Variants in LPP observed in about 807,000 individuals in gnomAD.
The protein encoded by LPP is lipoma-preferred partner.
LPP carries 38 observed loss-of-function variants against 60.4 expected under a neutral mutation model. The observed-to-expected ratio is 0.63, with a 90% CI of 0.49 to 0.83. LPP has a LOEUF of 0.83. Among genes scored for constraint, LPP ranks in the 40% least tolerant of loss-of-function variants. The probability of loss-of-function intolerance (pLI) is 0.00; values close to 1 mark genes in which losing one functional copy is unlikely to be tolerated. For synonymous variants in LPP, 328 were observed against 290.8 expected (o/e 1.13, Z -1.30); for missense variants, 902 against 783.6 (o/e 1.15, Z -1.80).
intron 1 of LPP, among the ~76,000 whole-genome samples, chr3:188,168,161 G>A (rs1720567377): frequency 1.3e-5 from 2 of 152,172 alleles, no homozygotes; most frequent in Non-Finnish European, 2.9e-5. Context: ...TCCGTGCCAG[G>A]CACGTGCTGC....
chr3:188,191,920 A>C (rs1258204265), intron 1 of LPP, among the ~76,000 whole-genome samples: 1 of 152,204 alleles, frequency 6.6e-6, no homozygotes, highest in Non-Finnish European at 1.5e-5. Context: ...AAATAACTCT[A>C]GGTCTGCCAG....
At chr3:188,626,401 T>A (rs1217713339) in intron 7 of LPP, among the ~76,000 whole-genome samples, 1 of 152,150 alleles carries the variant, frequency 6.6e-6, no homozygotes, top group African/African-American at 2.4e-5. Flanking sequence ...TATAAGGGAT[T>A]TGAGCATCCA....
intron 8 of LPP, among the ~76,000 whole-genome samples, chr3:188,750,172 A>G (rs1727618513): frequency 6.6e-6 from 1 of 152,214 alleles, no homozygotes. Context: ...GCTTTATCCC[A>G]TTCATGACAG....
intron 2 of LPP, among the ~76,000 whole-genome samples, chr3:188,288,755 A>T (rs952838049): frequency 6.6e-6 from 1 of 151,822 alleles, no homozygotes; most frequent in Non-Finnish European, 1.5e-5. Context: ...CTTCTGCCAC[A>T]TGAACTTCTC....
chr3:188,615,971 A>G (rs1475427656), intron 7 of LPP, among the ~76,000 whole-genome samples: 3 of 152,092 alleles, frequency 2.0e-5, no homozygotes, highest in African/African-American at 7.2e-5. Flanking sequence ...AGTTCCTTGT[A>G]TATTCTCGAT....
At chr3:188,539,159 T>G (rs913460391) in intron 6 of LPP, among the ~76,000 whole-genome samples, 1 of 152,240 alleles carries the variant, frequency 6.6e-6, no homozygotes, top group Non-Finnish European at 1.5e-5. Flanking sequence ...TTATGGTATG[T>G]GAATCATGTC....
intron 4 of LPP, among the ~76,000 whole-genome samples, chr3:188,464,029 G>A (rs545457738): frequency 2.0e-5 from 3 of 152,306 alleles, no homozygotes; most frequent in Admixed American, 6.5e-5. Flanking sequence ...TGGATTTGGA[G>A]TTTTGAAAGA....
chr3:188,204,363 G>C (rs1732555768), intron 1 of LPP, among the ~76,000 whole-genome samples: 1 of 152,072 alleles, frequency 6.6e-6, no homozygotes, highest in East Asian at 1.9e-4. Context: ...GAGTCAACTG[G>C]GAAAATCTCA....
chr3:188,576,433 C>A (rs1834638312), intron 6 of LPP, among the ~76,000 whole-genome samples: 1 of 152,088 alleles, frequency 6.6e-6, no homozygotes, highest in Non-Finnish European at 1.5e-5. Context: ...TTACCTAGTA[C>A]CTCTATGATT....
chr3:188,770,168 CTTTTTTTTTTTTTT>C (rs57278260), intron 9 of LPP, among the ~76,000 whole-genome samples: 1 of 64,598 alleles, frequency 1.5e-5, no homozygotes, highest in Non-Finnish European at 3.0e-5. Flanking sequence ...AGTTATAATT[CTTTTTTTTTTTTTT>C]TTTTTTTTTT....
chr3:188,619,655 A>G (rs979080349), intron 7 of LPP, among the ~76,000 whole-genome samples: 1 of 152,218 alleles, frequency 6.6e-6, no homozygotes, highest in Non-Finnish European at 1.5e-5. Flanking sequence ...TGGCCTACAG[A>G]TATTAAAACA....
chr3:188,699,905 A>C (rs1864039296), intron 7 of LPP, among the ~76,000 whole-genome samples: 1 of 152,228 alleles, frequency 6.6e-6, no homozygotes, highest in South Asian at 2.1e-4. Context: ...CAGCCACAGG[A>C]AATTGCAAAC....
At chr3:188,726,378 A>C (rs1051099566) in intron 8 of LPP, among the ~76,000 whole-genome samples, 1 of 152,174 alleles carries the variant, frequency 6.6e-6, no homozygotes, top group African/African-American at 2.4e-5. Context: ...GGAGTTCAGT[A>C]ATGGTGATGC....
At chr3:188,246,648 C>A (rs1479961123) in intron 2 of LPP, among the ~76,000 whole-genome samples, 1 of 152,134 alleles carries the variant, frequency 6.6e-6, no homozygotes, top group South Asian at 2.1e-4. Context: ...GTGAGTCCCC[C>A]ACAGGGCAGG....
At chr3:188,496,301 T>A (rs2149811685) in intron 5 of LPP, among the ~76,000 whole-genome samples, 1 of 151,580 alleles carries the variant, frequency 6.6e-6, no homozygotes, top group South Asian at 2.1e-4. Context: ...AATTTTTGTA[T>A]TTTTTTTAGT....
At chr3:188,620,315 C>T (rs2151542839) in intron 7 of LPP, among the ~76,000 whole-genome samples, 1 of 152,186 alleles carries the variant, frequency 6.6e-6, no homozygotes, top group Middle Eastern at 3.4e-3. Flanking sequence ...TACCAATGAG[C>T]AGTGACTTTT....
chr3:188,486,451 CAG>C (rs976796756), intron 5 of LPP, among the ~76,000 whole-genome samples: 1 of 151,868 alleles, frequency 6.6e-6, no homozygotes, highest in East Asian at 1.9e-4. Flanking sequence ...AGTGGGGAAA[CAG>C]GGAGGGGGTC....
intron 9 of LPP, among the ~76,000 whole-genome samples, chr3:188,864,044 C>G (rs1438098018): frequency 6.6e-6 from 1 of 151,880 alleles, no homozygotes; most frequent in Non-Finnish European, 1.5e-5. Context: ...CTCACATTGT[C>G]AGGGTAGAAA....
intron 1 of LPP, among the ~76,000 whole-genome samples, chr3:188,201,152 G>A (rs946722374): frequency 2.6e-5 from 4 of 152,308 alleles, no homozygotes; most frequent in Admixed American, 2.0e-4. Flanking sequence ...CTATGGACCT[G>A]TCCCTGAGCT....
Sources: allele counts gnomAD v4.1 joint callset (sites outside exome capture counted in the v4.1 genomes callset), GRCh38; gene constraint gnomAD v4.1.1; transcripts MANE v1.5; gene names NCBI Gene and HGNC (gene_info 2026-07-23, HGNC 2026-07-21).